Variants in SDK1 observed in about 807,000 individuals in gnomAD.
The protein encoded by SDK1 is sidekick cell adhesion molecule 1.
SDK1 carries 157 observed loss-of-function variants against 245.5 expected under a neutral mutation model. The observed-to-expected ratio is 0.64, with a 90% CI of 0.56 to 0.73. The LOEUF is 0.73. Among genes scored for constraint, SDK1 ranks in the 30% least tolerant of loss-of-function variants. The pLI, the probability that SDK1 is intolerant of heterozygous loss-of-function variation, is 0.00. For missense variants in SDK1, 3,583 were observed against 3,002.3 expected (o/e 1.19, Z -4.52); for synonymous variants, 1,647 against 1,278.5 (o/e 1.29, Z -6.15).
chr7:3,823,851 G>A (rs1779704747), intron 5 of SDK1, among the ~76,000 whole-genome samples: 2 of 152,028 alleles, frequency 1.3e-5, no homozygotes, highest in African/African-American at 4.8e-5. Context: ...AGGAGATTGA[G>A]GAAACTGCCT....
chr7:3,697,453 C>G (rs1296732023), intron 4 of SDK1, among the ~76,000 whole-genome samples: 1 of 152,236 alleles, frequency 6.6e-6, no homozygotes, highest in East Asian at 1.9e-4. Flanking sequence ...GTCTTCAGCT[C>G]TGCTTCATTA....
At chr7:3,944,078 G>T (rs1156903371) in intron 5 of SDK1, among the ~76,000 whole-genome samples, 1 of 152,220 alleles carries the variant, frequency 6.6e-6, no homozygotes, top group African/African-American at 2.4e-5. Context: ...TTGAGGGAAG[G>T]AGTGTTCTAG....
At chr7:3,346,906 A>G (rs1466517230) in intron 1 of SDK1, among the ~76,000 whole-genome samples, 4 of 137,366 alleles carry the variant, frequency 2.9e-5, no homozygotes, top group African/African-American at 8.3e-5. Flanking sequence ...CCTGGGCTCA[A>G]GTGATCCTCC....
At chr7:3,544,551 G>A (rs1019119913) in intron 1 of SDK1, among the ~76,000 whole-genome samples, 1 of 152,224 alleles carries the variant, frequency 6.6e-6, no homozygotes, top group African/African-American at 2.4e-5. Context: ...CCCCAAAGTA[G>A]CGTTTAGATT....
chr7:4,219,856 C>T (rs1057372169), intron 38 of SDK1, among the ~76,000 whole-genome samples: 19 of 142,270 alleles, frequency 1.3e-4, no homozygotes, highest in Admixed American at 2.3e-4. Context: ...ATTCCTGAGA[C>T]GGCAGCCTCC....
At chr7:3,477,516 CT>C (rs575753517) in intron 1 of SDK1, among the ~76,000 whole-genome samples, 370 of 134,154 alleles carry the variant, frequency 2.8e-3, no homozygotes, top group Middle Eastern at 4.1e-3. Context: ...TTTCTTTTTT[CT>C]TTTTTTTTTT....
At chr7:4,023,082 T>A (rs1011031394) in intron 17 of SDK1, among the ~76,000 whole-genome samples, 16 of 152,132 alleles carry the variant, frequency 1.1e-4, no homozygotes, top group Admixed American at 1.0e-3. Context: ...CCCTTGTTTT[T>A]CTTTTCAATC....
chr7:3,527,983 G>T (rs1783205141), intron 1 of SDK1, among the ~76,000 whole-genome samples: 1 of 147,368 alleles, frequency 6.8e-6, no homozygotes, highest in Non-Finnish European at 1.5e-5. Flanking sequence ...GGGAGGTGAG[G>T]CTGGGTGTCA....
At chr7:3,649,713 A>G (rs1367726667) in intron 4 of SDK1, among the ~76,000 whole-genome samples, 1 of 152,148 alleles carries the variant, frequency 6.6e-6, no homozygotes, top group Non-Finnish European at 1.5e-5. Flanking sequence ...GATGAGAACT[A>G]AGGCAGAGAG....
At chr7:3,885,033 C>A (rs1046894170) in intron 5 of SDK1, among the ~76,000 whole-genome samples, 1 of 152,126 alleles carries the variant, frequency 6.6e-6, no homozygotes, top group Non-Finnish European at 1.5e-5. Context: ...TCCCCCGACC[C>A]CCACCCCGCC....
chr7:4,092,649 A>G lies in SDK1; in HGVS notation c.3324+13065A>G, dbSNP rs377115357. Among the ~76,000 whole-genome samples, 3 of 152,174 alleles carry G rather than the reference A, an allele frequency of 2.0e-5. No homozygotes were observed. The East Asian group carries it at 5.8e-4, about 29-fold the overall frequency. On this transcript the variant is annotated intron_variant, in intron 22 of 44. Transcript: ENST00000404826. ...CCTGGGCTAGAATTTGGGGAGGAGAAAGACTCCGGAGCACATGGTCTAGAT... is the reference window on the plus strand; with the variant it reads ...CCTGGGCTAGAATTTGGGGAGGAGAGAGACTCCGGAGCACATGGTCTAGAT...
chr7:3,956,118 A>G (rs1369281942), intron 7 of SDK1, among the ~76,000 whole-genome samples: 1 of 152,180 alleles, frequency 6.6e-6, no homozygotes, highest in African/African-American at 2.4e-5. Context: ...AGTCAGGATC[A>G]ATTTTCAGAA....
At position 3,313,345 on chromosome 7, in the gene SDK1, T is replaced by G. The variant is rs187430835; in HGVS notation, c.298+11461T>G. ...TTGCTTGAACCCTGGAGGCGGAGAT[T>G]GGAGTGAGCTGAGGTTGCGCCATTG... On this transcript the variant is annotated intron_variant, in intron 1 of 44. Transcript: ENST00000404826. 1.2e-3 allele frequency among the ~76,000 whole-genome samples: 183 copies of G among 152,266 alleles called. 1 individual carries two copies. The highest frequency in any genetic ancestry group is 2.1e-3 in the Non-Finnish European group (142 of 68,012).
At chr7:3,812,477 G>A (rs1779409382) in intron 4 of SDK1, among the ~76,000 whole-genome samples, 1 of 152,184 alleles carries the variant, frequency 6.6e-6, no homozygotes, top group African/African-American at 2.4e-5. Context: ...TTGAGAGACA[G>A]TCAATATAGA....
chr7:3,756,179 G>C (rs1386563425), intron 4 of SDK1, among the ~76,000 whole-genome samples: 1 of 144,124 alleles, frequency 6.9e-6, no homozygotes, highest in Non-Finnish European at 1.5e-5. Flanking sequence ...TTGATGTTTT[G>C]AACCTGACTC....
chr7:3,790,292 A>C (rs1456172072), intron 4 of SDK1, among the ~76,000 whole-genome samples: 5 of 152,154 alleles, frequency 3.3e-5, no homozygotes, highest in Admixed American at 2.6e-4. Flanking sequence ...AAATTATACT[A>C]GGTATTTCAA....
rs549295592 is a variant in SDK1, at chr7:3,449,613, A to G, written c.298+147729A>G. The stretch of plus-strand genomic sequence containing the variant: ...CTTGAATATTTAACAGGAAGGCCAT[A>G]AGGAAATATAATGTGCTACATTCCT... On this transcript the variant is annotated intron_variant, in intron 1 of 44. Transcript: ENST00000404826. Among the ~76,000 whole-genome samples the G allele has an allele frequency of 9.0e-4, 137 of 152,360 alleles. 1 individual carries two copies. The highest frequency in any genetic ancestry group is 1.8e-3 in the Non-Finnish European group (125 of 68,038).
intron 4 of SDK1, among the ~76,000 whole-genome samples, chr7:3,752,782 A>G (rs774481580): frequency 1.3e-5 from 2 of 152,164 alleles, no homozygotes; most frequent in African/African-American, 2.4e-5. Flanking sequence ...TTGGGAAACA[A>G]TTGTGTAGTA....
intron 14 of SDK1, among the ~76,000 whole-genome samples, chr7:3,987,557 G>T (rs570840383): frequency 6.6e-6 from 1 of 152,188 alleles, no homozygotes; most frequent in South Asian, 2.1e-4. Flanking sequence ...AGTGGATTTG[G>T]GGCCCCATGG....
Sources: allele counts gnomAD v4.1 joint callset (sites outside exome capture counted in the v4.1 genomes callset), GRCh38; gene constraint gnomAD v4.1.1; transcripts MANE v1.5; gene names NCBI Gene and HGNC (gene_info 2026-07-23, HGNC 2026-07-21).